GPC5: variants seen among roughly 807,000 people sequenced by gnomAD.
GPC5 encodes the protein glypican 5, also known as glypican-5.
GPC5 carries 47 observed loss-of-function variants against 53.9 expected under a neutral mutation model. The ratio of observed to expected loss-of-function variants is 0.87; its 90% confidence interval spans 0.69 to 1.11. The LOEUF (loss-of-function observed/expected upper bound fraction) is 1.11, where lower values mean the gene tolerates loss of function less well. Ranked by LOEUF, GPC5 falls within the 50% of genes most tolerant of loss-of-function variation. GPC5 has a pLI of 0.00. For missense variants in GPC5, 748 were observed against 713.1 expected (o/e 1.05, Z -0.56); for synonymous variants, 286 against 263.3 (o/e 1.09, Z -0.84).
chr13:91,670,516 C>A (rs1264952640), intron 2 of GPC5, among the ~76,000 whole-genome samples: 1 of 152,096 alleles, frequency 6.6e-6, no homozygotes, highest in Non-Finnish European at 1.5e-5. Flanking sequence ...GAGATTAAAG[C>A]AAAACAAAAT....
intron 3 of GPC5, among the ~76,000 whole-genome samples, chr13:91,721,214 A>G (rs2036466352): frequency 6.6e-6 from 1 of 151,552 alleles, no homozygotes; most frequent in South Asian, 2.1e-4. Flanking sequence ...AGCTCACTGC[A>G]GCTTCCACCT....
At chr13:92,151,338 C>T (rs1770132146) in intron 7 of GPC5, among the ~76,000 whole-genome samples, 1 of 152,130 alleles carries the variant, frequency 6.6e-6, no homozygotes, top group Non-Finnish European at 1.5e-5. Flanking sequence ...TACCCGCCTA[C>T]AGATGATGTT....
In GPC5 at chr13:91,432,203, C is replaced by CTGTG. The variant is rs757953581; in HGVS notation, c.164-16514_164-16511dup. On this transcript the variant is annotated intron_variant, in intron 1 of 7. Coordinates refer to ENST00000377067, the MANE Select transcript of GPC5 (RefSeq NM_004466.6). ...GCTTCCACTGCTGCTGCTGCTGCTG[C>CTGTG]TGTGTGTGTGTGTGTGTGTGTGTGT... 6.1e-3 allele frequency among the ~76,000 whole-genome samples: 834 copies of CTGTG among 136,410 alleles called. 7 individuals are homozygous for CTGTG. Among genetic ancestry groups the CTGTG allele is most frequent in the Middle Eastern group, 0.015 (4 of 268 alleles). 89.5% of individuals were successfully genotyped at this position (136,410 alleles called of 152,430 possible).
At chr13:92,401,400 G>A (rs574274489) in intron 7 of GPC5, among the ~76,000 whole-genome samples, 2 of 151,668 alleles carry the variant, frequency 1.3e-5, no homozygotes, top group African/African-American at 4.8e-5. Flanking sequence ...ACTTCCTTTC[G>A]CTAATGTATT....
chr13:92,442,047 A>T (rs1372114143), intron 7 of GPC5, among the ~76,000 whole-genome samples: 1 of 152,238 alleles, frequency 6.6e-6, no homozygotes, highest in African/African-American at 2.4e-5. Flanking sequence ...CACAAAATAA[A>T]CACAGCATTT....
chr13:92,073,759 A>G (rs1272848423), intron 6 of GPC5, among the ~76,000 whole-genome samples: 1 of 152,170 alleles, frequency 6.6e-6, no homozygotes, highest in East Asian at 1.9e-4. Flanking sequence ...CAATGAAGTC[A>G]GTTGTAGCCC....
chr13:91,859,581 A>G (rs1011787050), intron 5 of GPC5, among the ~76,000 whole-genome samples: 1 of 151,966 alleles, frequency 6.6e-6, no homozygotes, highest in Non-Finnish European at 1.5e-5. Flanking sequence ...AGAATTGTTC[A>G]TAATAATTAT....
intron 5 of GPC5, among the ~76,000 whole-genome samples, chr13:91,759,086 C>T (rs2037354626): frequency 6.6e-6 from 1 of 152,046 alleles, no homozygotes; most frequent in African/African-American, 2.4e-5. Context: ...TTTAATTCCC[C>T]CAATACTTCA....
At chr13:92,781,597 A>G (rs1011395879) in intron 7 of GPC5, among the ~76,000 whole-genome samples, 1 of 152,176 alleles carries the variant, frequency 6.6e-6, no homozygotes, top group Non-Finnish European at 1.5e-5. Context: ...GGTTGATGGA[A>G]CCATTTGTAA....
chr13:92,396,552 G>T (rs768962230), intron 7 of GPC5, among the ~76,000 whole-genome samples: 1 of 150,424 alleles, frequency 6.6e-6, no homozygotes, highest in Non-Finnish European at 1.5e-5. Flanking sequence ...TAAGTTCCAT[G>T]ATACACATGC....
chr13:92,845,136 GA>G (rs200147844), intron 7 of GPC5, among the ~76,000 whole-genome samples: 46 of 146,598 alleles, frequency 3.1e-4, no homozygotes, highest in East Asian at 1.2e-3. Context: ...ATCTATAAGG[GA>G]AAAAAAAAAG....
At chr13:92,422,532 A>C (rs5805744) in intron 7 of GPC5, among the ~76,000 whole-genome samples, 24,782 of 130,604 alleles carry the variant, frequency 0.19, 2,595 homozygotes, top group East Asian at 0.55. Context: ...ACACACACAC[A>C]ACTTCTTGGA....
At chr13:91,414,597 G>A (rs1878046074) in intron 1 of GPC5, among the ~76,000 whole-genome samples, 1 of 152,184 alleles carries the variant, frequency 6.6e-6, no homozygotes, top group South Asian at 2.1e-4. Flanking sequence ...GACAAAGGAG[G>A]GGGAGGGATG....
At chr13:91,830,952 G>T (rs568859472) in intron 5 of GPC5, among the ~76,000 whole-genome samples, 34 of 119,052 alleles carry the variant, frequency 2.9e-4, no homozygotes, top group African/African-American at 9.7e-4. Flanking sequence ...TATTATATAT[G>T]ATATATATCC....
intron 7 of GPC5, among the ~76,000 whole-genome samples, chr13:92,728,762 C>A (rs1888717693): frequency 1.3e-5 from 2 of 151,220 alleles, no homozygotes; most frequent in Non-Finnish European, 1.5e-5. Context: ...AAATTTCGAA[C>A]CATTTTAATT....
At chr13:91,534,451 C>T (rs1886494255) in intron 2 of GPC5, among the ~76,000 whole-genome samples, 1 of 152,162 alleles carries the variant, frequency 6.6e-6, no homozygotes, top group Non-Finnish European at 1.5e-5. Context: ...AGTGTTTGAG[C>T]AATACTATGC....
intron 1 of GPC5, among the ~76,000 whole-genome samples, chr13:91,419,348 A>G (rs2138976614): frequency 6.6e-6 from 1 of 152,338 alleles, no homozygotes; most frequent in South Asian, 2.1e-4. Context: ...TAGTAAAAAT[A>G]ATATGGAATT....
rs956295948 is a variant in GPC5 at position 92,361,796 on chromosome 13, A to G, written c.1561+216807A>G. On this transcript the variant is annotated intron_variant, in intron 7 of 7. Coordinates refer to ENST00000377067, the MANE Select transcript of GPC5 (RefSeq NM_004466.6). ...GAAAACCTCAACAGATTATACAATTATATGTAATGACTCATAAGTGGATTA... is the reference window on the plus strand; with the variant it reads ...GAAAACCTCAACAGATTATACAATTGTATGTAATGACTCATAAGTGGATTA... Among the ~76,000 whole-genome samples, 9 of 151,758 alleles carry G rather than the reference A, an allele frequency of 5.9e-5. No homozygotes were observed. The South Asian group carries it at 1.9e-3, about 31-fold the overall frequency.
At chr13:92,492,745 G>T (rs1879815148) in intron 7 of GPC5, among the ~76,000 whole-genome samples, 1 of 152,116 alleles carries the variant, frequency 6.6e-6, no homozygotes, top group Non-Finnish European at 1.5e-5. Flanking sequence ...GAATATTCAT[G>T]AATTTGTTGA....
Sources: allele counts gnomAD v4.1 joint callset (sites outside exome capture counted in the v4.1 genomes callset), GRCh38; gene constraint gnomAD v4.1.1; transcripts MANE v1.5; gene names NCBI Gene and HGNC (gene_info 2026-07-23, HGNC 2026-07-21).